Variants in MAP2 observed in about 807,000 individuals in gnomAD.
The protein encoded by MAP2 is microtubule-associated protein 2.
In MAP2, 14 loss-of-function variants were observed where a neutral mutation model predicts 137.6. The ratio of observed to expected loss-of-function variants is 0.10; its 90% CI spans 0.07 to 0.16. The LOEUF is 0.16. MAP2 is among the 10% of genes least tolerant of loss of function. MAP2 has a pLI of 1.00. For missense variants in MAP2, 2,088 were observed against 2,191.5 expected (o/e 0.95, Z 0.94); for synonymous variants, 786 against 782.3 (o/e 1.00, Z -0.08).
At chr2:209,477,510 T>A (rs967208627) in intron 1 of MAP2, among the ~76,000 whole-genome samples, 1 of 152,168 alleles carries the variant, frequency 6.6e-6, no homozygotes, top group Admixed American at 6.5e-5. Context: ...TTTACAATTG[T>A]CTTTAGTGGA....
rs538704532 is a variant in MAP2, at chr2:209,444,517, C to T, written c.-222+20241C>T. 2.0e-5 allele frequency among the ~76,000 whole-genome samples: 3 copies of T among 151,404 alleles called. No individual in the cohort carries two copies. In the South Asian group the frequency reaches 6.2e-4, roughly 31 times the overall value. ...ATTTATGGGGAGGAAGCCTATTTGT[C>T]TAAAATTAGAACCTGGGCTGGGCTG... On this transcript the variant is annotated intron_variant, in intron 1 of 15. Transcript: ENST00000682079.
chr2:209,600,504 T>TCTA (rs1047085800), intron 3 of MAP2, among the ~76,000 whole-genome samples: 1 of 152,194 alleles, frequency 6.6e-6, no homozygotes, highest in African/African-American at 2.4e-5. Context: ...TCCGGGGCTG[T>TCTA]CTACCATCAG....
chr2:209,508,270 A>G (rs1462198477), intron 2 of MAP2, among the ~76,000 whole-genome samples: 13 of 150,604 alleles, frequency 8.6e-5, no homozygotes, highest in Admixed American at 6.6e-4. Context: ...TTCAACATGT[A>G]TTCAGATTGA....
At chr2:209,485,992 A>G (rs1212256088) in intron 1 of MAP2, among the ~76,000 whole-genome samples, 2 of 152,168 alleles carry the variant, frequency 1.3e-5, no homozygotes, top group East Asian at 3.9e-4. Context: ...ACTACCATTC[A>G]TTGTCTAACC....
intron 1 of MAP2, among the ~76,000 whole-genome samples, chr2:209,477,200 G>T (rs1259606674): frequency 6.6e-6 from 1 of 152,148 alleles, no homozygotes; most frequent in Non-Finnish European, 1.5e-5. Context: ...CAATGAAAGT[G>T]ATCCATTCAC....
chr2:209,728,032 G>A (rs2074707814), intron 14 of MAP2, among the ~76,000 whole-genome samples: 1 of 152,148 alleles, frequency 6.6e-6, no homozygotes, highest in Non-Finnish European at 1.5e-5. Flanking sequence ...TACTCAGAGG[G>A]CTGAGGAGGG....
chr2:209,491,753 C>T (rs1220701761), intron 1 of MAP2, among the ~76,000 whole-genome samples: 5 of 151,928 alleles, frequency 3.3e-5, no homozygotes, highest in East Asian at 3.8e-4. Context: ...AGGAAGAAGT[C>T]GAATCCCTGA....
Position 209,487,635 on chromosome 2 carries a change from G to C in MAP2, c.-221-19957G>C, listed in dbSNP as rs144806471. On this transcript the variant is annotated intron_variant, in intron 1 of 15. Transcript: ENST00000682079. ...ATAATGCATTCAGTTAACCATAAAG[G>C]CATTTCAAGGAAAAACTCAGACTTT... Among the ~76,000 whole-genome samples the C allele has an allele frequency of 2.0e-5, 3 of 152,172 alleles. No individual in the cohort carries two copies. In the East Asian group the frequency reaches 5.8e-4, roughly 29 times the overall value.
chr2:209,729,776 A>C, intron 14 of MAP2, 74 bp from the exon 15 acceptor site: 3 of 898,386 alleles, frequency 3.3e-6, no homozygotes, highest in Non-Finnish European at 5.5e-6. Flanking sequence ...TAGTCTATCT[A>C]CTGCAGTCAT....
At chr2:209,461,107 C>G (rs1203390120) in intron 1 of MAP2, among the ~76,000 whole-genome samples, 1 of 152,082 alleles carries the variant, frequency 6.6e-6, no homozygotes, top group Non-Finnish European at 1.5e-5. Flanking sequence ...AATAAACAAA[C>G]AACCCATTAA....
At chr2:209,541,046 T>G (rs1446551521) in intron 2 of MAP2, among the ~76,000 whole-genome samples, 4 of 151,166 alleles carry the variant, frequency 2.6e-5, no homozygotes, top group Non-Finnish European at 5.9e-5. Context: ...TTTTTCGTTT[T>G]TTGAGACGGA....
At chr2:209,702,361 C>G (rs769455213) in intron 11 of MAP2, among the ~76,000 whole-genome samples, 1 of 151,654 alleles carries the variant, frequency 6.6e-6, no homozygotes, top group Non-Finnish European at 1.5e-5. Flanking sequence ...CTTCCTAATC[C>G]CATATCCTTG....
rs189156510 is a variant in MAP2 at position 209,553,461 on chromosome 2, C to T, written c.-171-26575C>T. On this transcript the variant is annotated intron_variant, in intron 2 of 15. Transcript: ENST00000682079. The stretch of plus-strand genomic sequence containing the variant: ...ATGGAAATTTAAAAATTCCTGGGCT[C>T]ATCACCTTTACAAGAACATATAAGA... Among the ~76,000 whole-genome samples the T allele has an allele frequency of 5.3e-5, 8 of 152,234 alleles. No homozygotes were observed. In the East Asian group the frequency reaches 1.2e-3, roughly 22 times the overall value.
chr2:209,703,631 T>A (rs531211089), intron 11 of MAP2, among the ~76,000 whole-genome samples: 122 of 152,098 alleles, frequency 8.0e-4, no homozygotes, highest in African/African-American at 2.7e-3. Flanking sequence ...AAAAAGAGAG[T>A]TTTGCTAGTC....
intron 1 of MAP2, among the ~76,000 whole-genome samples, chr2:209,480,537 A>AT (rs143095311): frequency 6.6e-6 from 1 of 150,518 alleles, no homozygotes; most frequent in Non-Finnish European, 1.5e-5. Context: ...GATGATCTAA[A>AT]GTTTGTTTGT....
chr2:209,439,154 A>G (rs1697125680), intron 1 of MAP2, among the ~76,000 whole-genome samples: 1 of 151,546 alleles, frequency 6.6e-6, no homozygotes. Context: ...AATGGAGAAC[A>G]AAGAGGGGTA....
rs186275331 is a variant in MAP2 at position 209,509,920 on chromosome 2, T to C, written c.-172+2279T>C. On this transcript the variant is annotated intron_variant, in intron 2 of 15. Transcript: ENST00000682079. ...ATAGTTAAATTGACAGCATTTTTTT[T>C]CCTAGTGGTAAATGAGGTATGTCTT... Among the ~76,000 whole-genome samples the C allele has an allele frequency of 4.1e-3, 621 of 152,010 alleles. 3 individuals are homozygous for C. Among genetic ancestry groups the C allele is most frequent in the African/African-American group, 0.014 (581 of 41,554 alleles).
chr2:209,642,704 G>A (rs1247364230), intron 4 of MAP2, among the ~76,000 whole-genome samples: 1 of 152,092 alleles, frequency 6.6e-6, no homozygotes, highest in Non-Finnish European at 1.5e-5. Context: ...AAATAAAGCA[G>A]GGAAGATATG....
rs563121396 is a variant in MAP2 at position 209,449,073 on chromosome 2, C to T, written c.-222+24797C>T. ...CTTGTACGTGCTTCCATTAGGTCTT[C>T]CCTGACTTCGCACATGATTTTTTTC... On this transcript the variant is annotated intron_variant, in intron 1 of 15. Transcript: ENST00000682079. 1.5e-3 allele frequency among the ~76,000 whole-genome samples: 233 copies of T among 152,234 alleles called. 2 individuals carry two copies. The highest frequency in any genetic ancestry group is 0.014 in the Middle Eastern group (4 of 294).
Sources: gnomAD v4.1 joint callset for allele counts (sites outside exome capture counted in the v4.1 genomes callset) on GRCh38, gnomAD v4.1.1 for gene constraint, MANE v1.5 for transcripts, NCBI Gene and HGNC (gene_info 2026-07-23, HGNC 2026-07-21) for gene names.